PACRG: variants seen among roughly 807,000 people sequenced by gnomAD.
The protein encoded by PACRG is parkin coregulated.
Under a neutral mutation model 29.7 loss-of-function variants are expected in PACRG, and 29 were observed. The ratio of observed to expected loss-of-function variants is 0.98; its 90% CI spans 0.73 to 1.33. PACRG has a LOEUF of 1.33. PACRG is among the 40% of genes most tolerant of loss of function. The probability of loss-of-function intolerance (pLI) is 0.00; values close to 1 mark genes in which losing one functional copy is unlikely to be tolerated. For synonymous variants in PACRG, 116 were observed against 118.7 expected (o/e 0.98, Z 0.15); for missense variants, 279 against 316.2 (o/e 0.88, Z 0.89).
chr6:162,932,267 C>T (rs1797907394), intron 2 of PACRG, among the ~76,000 whole-genome samples: 1 of 151,912 alleles, frequency 6.6e-6, no homozygotes, highest in Non-Finnish European at 1.5e-5. Context: ...AGAGAGGAAT[C>T]GTAAAGAAGC....
intron 2 of PACRG, among the ~76,000 whole-genome samples, chr6:163,004,735 T>TACACACAC (rs752824819): frequency 1.2e-4 from 17 of 138,068 alleles, no homozygotes; most frequent in African/African-American, 5.1e-4. Context: ...TGTATATATA[T>TACACACAC]ATACACACAC....
intron 2 of PACRG, among the ~76,000 whole-genome samples, chr6:162,980,971 T>C (rs1396676177): frequency 6.6e-6 from 1 of 152,016 alleles, no homozygotes; most frequent in Non-Finnish European, 1.5e-5. Flanking sequence ...TTTCTGAGAT[T>C]TGGGTGCACC....
Position 163,228,280 on chromosome 6 carries a change from C to A in PACRG, c.614-86547C>A, listed in dbSNP as rs142791855. Among the ~76,000 whole-genome samples the A allele has an allele frequency of 1.8e-4, 26 of 143,834 alleles. No individual in the cohort carries two copies. In the East Asian group the frequency reaches 5.2e-3, roughly 29 times the overall value. 94.4% of individuals were successfully genotyped at this position (143,834 alleles called of 152,430 possible). A position where few individuals can be genotyped will look rare whatever the true frequency, so the allele number is the denominator to read the frequency against. On this transcript the variant is annotated intron_variant, in intron 4 of 4. Transcript: ENST00000366888. ...TACTTGTGGTATCAGAAGATGTAGT[C>A]AGAGTCCCTGAGCCCAGAGGGTGTT...
At chr6:163,295,737 TTGCATA>T (rs1485939860) in intron 4 of PACRG, among the ~76,000 whole-genome samples, 1 of 152,208 alleles carries the variant, frequency 6.6e-6, no homozygotes, top group African/African-American at 2.4e-5. Context: ...AGCAGCTGCT[TTGCATA>T]TATACCCTAT....
At chr6:163,003,259 G>A (rs1405944446) in intron 2 of PACRG, among the ~76,000 whole-genome samples, 1 of 152,172 alleles carries the variant, frequency 6.6e-6, no homozygotes, top group Admixed American at 6.5e-5. Context: ...ATTTTCATTT[G>A]GAAATGGGAT....
At chr6:163,141,999 A>G (rs1777554005) in intron 4 of PACRG, among the ~76,000 whole-genome samples, 1 of 152,126 alleles carries the variant, frequency 6.6e-6, no homozygotes, top group Non-Finnish European at 1.5e-5. Context: ...ACCATGAAGA[A>G]GATTAAAATT....
intron 1 of PACRG, among the ~76,000 whole-genome samples, chr6:162,764,609 CTAATTGTTCTTCCCATCTCTGCTA>C (rs1782636579): frequency 6.6e-6 from 1 of 152,076 alleles, no homozygotes; most frequent in Admixed American, 6.6e-5. Flanking sequence ...GCTTTTAAAA[CTAATTGTTCTTCCCATCTCTGCTA>C]TATTTGAATG....
intron 2 of PACRG, among the ~76,000 whole-genome samples, chr6:162,861,523 A>C (rs1169703896): frequency 6.6e-6 from 1 of 152,158 alleles, no homozygotes; most frequent in Non-Finnish European, 1.5e-5. Flanking sequence ...AACTGCCAGA[A>C]AAGTATGGCA....
intron 4 of PACRG, among the ~76,000 whole-genome samples, chr6:163,099,863 C>G (rs1171219789): frequency 6.6e-6 from 1 of 152,178 alleles, no homozygotes; most frequent in African/African-American, 2.4e-5. Context: ...TTCTGCCCTC[C>G]CCTGAGTTCC....
chr6:163,098,729 A>G (rs1023606965), intron 4 of PACRG, among the ~76,000 whole-genome samples: 10 of 152,196 alleles, frequency 6.6e-5, no homozygotes. Context: ...GGAATAAAAG[A>G]ATGGCTACTC....
intron 4 of PACRG, among the ~76,000 whole-genome samples, chr6:163,213,352 A>G (rs185763194): frequency 1.9e-4 from 29 of 152,300 alleles, no homozygotes; most frequent in African/African-American, 5.1e-4. Flanking sequence ...AGATAGGAGA[A>G]TAAAGAGACA....
At chr6:163,219,484 T>G (rs1781489740) in intron 4 of PACRG, among the ~76,000 whole-genome samples, 1 of 152,224 alleles carries the variant, frequency 6.6e-6, no homozygotes, top group Non-Finnish European at 1.5e-5. Flanking sequence ...GAAAATCTGC[T>G]TTCTATGCAA....
Position 162,746,798 on chromosome 6 carries a change from T to C in PACRG, c.156+18407T>C, listed in dbSNP as rs183297867. Among the ~76,000 whole-genome samples the C allele has an allele frequency of 1.4e-4, 21 of 152,302 alleles. 1 individual carries two copies. Among genetic ancestry groups the C allele is most frequent in the African/African-American group, 4.8e-4 (20 of 41,562 alleles). Reference sequence around the variant, plus strand: ...TCCGCTCAGAATGTCCATCCCCTGTTTTACATTTCTTTCATATTCATAACT... The same window carrying C: ...TCCGCTCAGAATGTCCATCCCCTGTCTTACATTTCTTTCATATTCATAACT... On this transcript the variant is annotated intron_variant, in intron 1 of 4. Transcript: ENST00000366888.
chr6:163,136,639 C>G (rs776253010), intron 4 of PACRG, among the ~76,000 whole-genome samples: 5 of 152,180 alleles, frequency 3.3e-5, no homozygotes, highest in Non-Finnish European at 7.3e-5. Flanking sequence ...TTACTACAGT[C>G]CTTAGATTTC....
intron 4 of PACRG, among the ~76,000 whole-genome samples, chr6:163,100,453 G>T (rs1585212775): frequency 6.6e-6 from 1 of 152,126 alleles, no homozygotes; most frequent in Non-Finnish European, 1.5e-5. Flanking sequence ...TGCTCGAGAG[G>T]GTTCCAGCTG....
intron 2 of PACRG, among the ~76,000 whole-genome samples, chr6:162,910,264 A>G (rs2128075520): frequency 6.6e-6 from 1 of 152,338 alleles, no homozygotes; most frequent in Non-Finnish European, 1.5e-5. Context: ...TAAAATGGGG[A>G]GCTACTATTC....
intron 3 of PACRG, among the ~76,000 whole-genome samples, chr6:163,063,986 T>C (rs1026580131): frequency 1.3e-5 from 2 of 152,204 alleles, no homozygotes; most frequent in African/African-American, 4.8e-5. Flanking sequence ...GGATGATATG[T>C]AGCTTTCTCT....
chr6:162,880,132 C>G (rs1404761889), intron 2 of PACRG, among the ~76,000 whole-genome samples: 2 of 152,190 alleles, frequency 1.3e-5, no homozygotes, highest in Non-Finnish European at 2.9e-5. Context: ...CAGGCCTGTA[C>G]TGGAAAGAGG....
At chr6:162,772,039 T>C (rs1584303325) in intron 1 of PACRG, among the ~76,000 whole-genome samples, 2 of 152,288 alleles carry the variant, frequency 1.3e-5, no homozygotes, top group Admixed American at 1.3e-4. Context: ...TTTTGCATGA[T>C]ATTTTAAATT....
Sources: allele counts gnomAD v4.1 joint callset (sites outside exome capture counted in the v4.1 genomes callset), GRCh38; gene constraint gnomAD v4.1.1; transcripts MANE v1.5; gene names NCBI Gene and HGNC (gene_info 2026-07-23, HGNC 2026-07-21).